The following TTLL7 variants were observed in gnomAD, a reference collection of about 807,000 sequenced individuals.
The protein encoded by TTLL7 is tubulin polyglutamylase TTLL7.
TTLL7 carries 53 observed loss-of-function variants against 120.2 expected under a neutral mutation model. That is an observed-to-expected ratio of 0.44 (90% CI 0.35 to 0.55). The LOEUF is 0.55. Among genes scored for constraint, TTLL7 ranks in the 20% least tolerant of loss-of-function variants. TTLL7 has a pLI of 0.00. For missense variants in TTLL7, 803 were observed against 1,054.7 expected, an observed-to-expected ratio of 0.76 and a Z score of 3.31; for synonymous variants, 353 against 351.7, an observed-to-expected ratio of 1.00 and a Z score of -0.04.
intron 19 of TTLL7, among the ~76,000 whole-genome samples, chr1:83,888,574 G>A (rs1029081678): frequency 3.3e-5 from 5 of 151,952 alleles, no homozygotes; most frequent in African/African-American, 1.2e-4. Flanking sequence ...GGTATAGTAT[G>A]GGGCTTTACA....
intron 1 of TTLL7, among the ~76,000 whole-genome samples, chr1:83,955,353 A>G (rs1045665030): frequency 6.6e-6 from 1 of 152,214 alleles, no homozygotes; most frequent in Non-Finnish European, 1.5e-5. Context: ...GTGTCCCTCC[A>G]AAATTCATGT....
At chr1:83,924,732 G>T (rs1227943100) in intron 10 of TTLL7, among the ~76,000 whole-genome samples, 1 of 151,860 alleles carries the variant, frequency 6.6e-6, no homozygotes, top group East Asian at 1.9e-4. Flanking sequence ...TTATGTTAAG[G>T]GTATTTTACC....
chr1:83,998,573 G>T (rs539441659), intron 1 of TTLL7, among the ~76,000 whole-genome samples: 3 of 151,748 alleles, frequency 2.0e-5, no homozygotes, highest in Non-Finnish European at 4.4e-5. Context: ...CCACGATGTG[G>T]GAAAACGACG....
chr1:83,938,064 A>G, intron 7 of TTLL7, 48 bp from the exon 8 acceptor site: 1 of 1,582,040 alleles, frequency 6.3e-7, no homozygotes. Context: ...ACATCCTAGA[A>G]CTGCGAAGTT....
chr1:83,976,322 T>C (rs1445623269), intron 1 of TTLL7, among the ~76,000 whole-genome samples: 3 of 152,046 alleles, frequency 2.0e-5, no homozygotes, highest in Non-Finnish European at 4.4e-5. Context: ...CAAGGTAGAA[T>C]TAACTGTCCT....
chr1:83,883,115 GA>G lies in TTLL7; in HGVS notation c.2390del (p.Phe797SerfsTer8). The G allele has an allele frequency of 6.2e-7, 1 of 1,606,852 alleles. No individual in the cohort carries two copies. Among genetic ancestry groups the G allele is most frequent in the Non-Finnish European group, 8.5e-7 (1 of 1,176,892 alleles). On this transcript the variant is annotated frameshift_variant, in exon 20 of 21. Transcript: ENST00000260505. LOFTEE classifies it high-confidence loss of function. ...CDSGSSWESI[F>X]NKSPEVVTPL... Reference sequence around the variant, plus strand: ...GAGTCACCACCTCCGGGCTTTTATTGAATATACTCTCCCAAGAGGATCTGTT... The same window carrying G: ...GAGTCACCACCTCCGGGCTTTTATTGATATACTCTCCCAAGAGGATCTGTT...
chr1:83,941,756 T>C (rs114763135), intron 7 of TTLL7, among the ~76,000 whole-genome samples: 6,338 of 152,320 alleles, frequency 0.042, 156 homozygotes, highest in Middle Eastern at 0.099. Context: ...CTACAAATTA[T>C]AGTAATTATT....
Position 83,998,931 on chromosome 1 carries a change from C to G in TTLL7, c.-177G>C. Reference sequence around the variant, plus strand: ...GAGGATGGCGGCAGCAGGTACTCACCCGGGTGAGGAAAGCCCAGCCCGGGT... The same window carrying G: ...GAGGATGGCGGCAGCAGGTACTCACGCGGGTGAGGAAAGCCCAGCCCGGGT... On this transcript the variant is annotated splice_region_variant and 5_prime_UTR_variant, in exon 1 of 21. Coordinates refer to ENST00000260505, the MANE Select transcript of TTLL7 (RefSeq NM_024686.6). 2 of 410,500 alleles carry G rather than the reference C, an allele frequency of 4.9e-6. No homozygotes were observed. Among genetic ancestry groups the G allele is most frequent in the Non-Finnish European group, 9.8e-6 (2 of 204,588 alleles). 25.4% of individuals were successfully genotyped at this position (410,500 alleles called of 1,614,324 possible).
At chr1:83,895,223 G>A (rs1656110002) in intron 18 of TTLL7, among the ~76,000 whole-genome samples, 1 of 151,954 alleles carries the variant, frequency 6.6e-6, no homozygotes, top group Admixed American at 6.6e-5. Context: ...TGCCCATCTT[G>A]ATAATAAAGT....
At chr1:83,967,173 T>A (rs1236213377) in intron 1 of TTLL7, among the ~76,000 whole-genome samples, 1 of 152,130 alleles carries the variant, frequency 6.6e-6, no homozygotes, top group African/African-American at 2.4e-5. Flanking sequence ...GAGGTTTTTT[T>A]AAGTAAATAA....
chr1:83,950,036 T>C, intron 3 of TTLL7, 50 bp from the exon 4 acceptor site: 3 of 1,462,342 alleles, frequency 2.1e-6, no homozygotes, highest in Non-Finnish European at 2.8e-6. Context: ...TTCTGAAATA[T>C]ATTCATTGCA....
intron 1 of TTLL7, among the ~76,000 whole-genome samples, chr1:83,952,985 G>A (rs1649195197): frequency 6.6e-6 from 1 of 152,158 alleles, no homozygotes; most frequent in African/African-American, 2.4e-5. Context: ...AGAATGCAGA[G>A]AAGTGATTCC....
chr1:83,938,071 AGTTTC>A lies in TTLL7; in HGVS notation c.724-60_724-56del. On this transcript the variant is annotated intron_variant, in intron 7 of 20. Coordinates refer to ENST00000260505, the MANE Select transcript of TTLL7 (RefSeq NM_024686.6). ...CACCTATGACATCCTAGAACTGCGAAGTTTCAGAGGAAAAAAAGACACTCAAAGAC... is the reference window on the plus strand; with the variant it reads ...CACCTATGACATCCTAGAACTGCGAAAGAGGAAAAAAAGACACTCAAAGAC... 5 of 1,558,128 alleles carry A rather than the reference AGTTTC, an allele frequency of 3.2e-6. No individual in the cohort carries two copies. The Admixed American group carries it at 5.2e-5, about 16-fold the overall frequency.
chr1:83,982,433 C>T (rs1652049999), intron 1 of TTLL7, among the ~76,000 whole-genome samples: 1 of 151,782 alleles, frequency 6.6e-6, no homozygotes, highest in Non-Finnish European at 1.5e-5. Context: ...ATCAATGAAA[C>T]TGAAAACAGG....
chr1:83,907,849 A>G (rs895245304), intron 15 of TTLL7, among the ~76,000 whole-genome samples, 188 bp from the exon 16 acceptor site: 11 of 152,178 alleles, frequency 7.2e-5, no homozygotes, highest in African/African-American at 2.4e-4. Flanking sequence ...CTTGTTGCAG[A>G]AGAACCCCTG....
chr1:83,976,033 C>G (rs371205324), intron 1 of TTLL7, among the ~76,000 whole-genome samples: 103 of 147,918 alleles, frequency 7.0e-4, no homozygotes, highest in Non-Finnish European at 1.2e-3. Context: ...TTGTCTCTCT[C>G]TGTGTGTGTG....
intron 3 of TTLL7, among the ~76,000 whole-genome samples, chr1:83,951,051 C>G (rs1302784382): frequency 6.6e-6 from 1 of 151,950 alleles, no homozygotes; most frequent in African/African-American, 2.4e-5. Flanking sequence ...CTGGCAGTTA[C>G]GTTTAGAAGG....
At chr1:83,896,224 T>C (rs1446921095) in intron 18 of TTLL7, among the ~76,000 whole-genome samples, 1 of 152,032 alleles carries the variant, frequency 6.6e-6, no homozygotes, top group Non-Finnish European at 1.5e-5. Context: ...AGAATATAGG[T>C]ATCCATTTCC....
intron 1 of TTLL7, among the ~76,000 whole-genome samples, chr1:83,972,547 T>C (rs1208391008): frequency 6.6e-6 from 1 of 152,098 alleles, no homozygotes; most frequent in African/African-American, 2.4e-5. Flanking sequence ...ATAAAGCTGC[T>C]ATAAACATCC....
Sources: gnomAD v4.1 joint callset for allele counts (sites outside exome capture counted in the v4.1 genomes callset) on GRCh38, gnomAD v4.1.1 for gene constraint, MANE v1.5 for transcripts, NCBI Gene and HGNC (gene_info 2026-07-23, HGNC 2026-07-21) for gene names.